Variants in GALNTL6 observed in about 807,000 individuals in gnomAD.
GALNTL6 encodes polypeptide N-acetylgalactosaminyltransferase-like 6.
GALNTL6 carries 46 observed loss-of-function variants against 73.7 expected under a neutral mutation model. The ratio of observed to expected loss-of-function variants is 0.62; its 90% CI spans 0.49 to 0.80. The LOEUF (loss-of-function observed/expected upper bound fraction) is 0.80, where lower values mean the gene tolerates loss of function less well. GALNTL6 is among the 30% of genes least tolerant of loss of function. The pLI is 0.00. For missense variants in GALNTL6, 604 were observed against 755.0 expected, an observed-to-expected ratio of 0.80 and a Z score of 2.34; for synonymous variants, 259 against 263.7, an observed-to-expected ratio of 0.98 and a Z score of 0.17.
chr4:172,856,230 A>G (rs1744115638), intron 7 of GALNTL6, among the ~76,000 whole-genome samples: 1 of 152,256 alleles, frequency 6.6e-6, no homozygotes, highest in African/African-American at 2.4e-5. Flanking sequence ...ATCTTTATGC[A>G]ATGAGTGACT....
chr4:172,314,416 C>T (rs928169014), intron 4 of GALNTL6, among the ~76,000 whole-genome samples: 7 of 151,854 alleles, frequency 4.6e-5, no homozygotes, highest in Admixed American at 6.6e-5. Flanking sequence ...GCATACTAGC[C>T]GGACTTATGC....
intron 7 of GALNTL6, among the ~76,000 whole-genome samples, chr4:172,865,300 G>A (rs1220736743): frequency 6.6e-6 from 1 of 152,154 alleles, no homozygotes; most frequent in Non-Finnish European, 1.5e-5. Context: ...GAGGAACTGG[G>A]GTGATGACAT....
intron 3 of GALNTL6, among the ~76,000 whole-genome samples, chr4:172,272,406 G>A (rs868177763): frequency 2.4e-4 from 36 of 152,162 alleles, no homozygotes; most frequent in African/African-American, 7.2e-4. Flanking sequence ...ATGGTATAGC[G>A]CACTACACAC....
intron 3 of GALNTL6, among the ~76,000 whole-genome samples, chr4:172,294,203 A>G (rs1739579431): frequency 1.3e-5 from 2 of 151,828 alleles, no homozygotes; most frequent in Admixed American, 1.3e-4. Flanking sequence ...AATCTTTTTT[A>G]TTTTGATGCA....
chr4:172,374,317 A>G (rs1742943023), intron 5 of GALNTL6, among the ~76,000 whole-genome samples: 1 of 151,910 alleles, frequency 6.6e-6, no homozygotes, highest in South Asian at 2.1e-4. Flanking sequence ...CTTGGTTCCT[A>G]TTTTAGAACA....
At chr4:172,989,026 T>C (rs1237145218) in intron 10 of GALNTL6, among the ~76,000 whole-genome samples, 1 of 152,194 alleles carries the variant, frequency 6.6e-6, no homozygotes, top group African/African-American at 2.4e-5. Flanking sequence ...AGGGCCCTCA[T>C]ACAGGGTCCT....
chr4:172,675,987 G>T (rs1732283485), intron 5 of GALNTL6, among the ~76,000 whole-genome samples: 1 of 152,116 alleles, frequency 6.6e-6, no homozygotes, highest in Non-Finnish European at 1.5e-5. Flanking sequence ...AAAAGAAAGA[G>T]AAAAAATGTG....
intron 4 of GALNTL6, among the ~76,000 whole-genome samples, chr4:172,333,347 G>A (rs1220312661): frequency 6.6e-6 from 1 of 152,190 alleles, no homozygotes; most frequent in Non-Finnish European, 1.5e-5. Context: ...GGAGGTTGCA[G>A]TGAGCCGAGA....
intron 2 of GALNTL6, among the ~76,000 whole-genome samples, chr4:172,041,391 A>G (rs1296890801): frequency 1.3e-5 from 2 of 152,106 alleles, no homozygotes; most frequent in Admixed American, 1.3e-4. Context: ...GATCTAATGC[A>G]GTCATTGAGA....
At chr4:172,310,096 G>T (rs559916535) in intron 3 of GALNTL6, among the ~76,000 whole-genome samples, 44 of 152,156 alleles carry the variant, frequency 2.9e-4, no homozygotes, top group Non-Finnish European at 5.3e-4. Context: ...GTTGGAAAAA[G>T]AATACAGTAA....
chr4:172,413,120 C>G (rs1744506435), intron 5 of GALNTL6, among the ~76,000 whole-genome samples: 1 of 152,182 alleles, frequency 6.6e-6, no homozygotes, highest in South Asian at 2.1e-4. Context: ...ATAGCCGAGT[C>G]AAACTGGTAA....
At chr4:171,994,142 G>T (rs912616215) in intron 2 of GALNTL6, among the ~76,000 whole-genome samples, 1 of 152,004 alleles carries the variant, frequency 6.6e-6, no homozygotes, top group African/African-American at 2.4e-5. Context: ...TATGGTGATT[G>T]AAACTACCAG....
intron 5 of GALNTL6, among the ~76,000 whole-genome samples, chr4:172,652,311 C>T (rs1301536699): frequency 6.6e-6 from 1 of 152,094 alleles, no homozygotes; most frequent in Non-Finnish European, 1.5e-5. Context: ...ATAGAGAAAC[C>T]TAAGCTGAAT....
At chr4:172,774,041 A>C (rs1396765085) in intron 5 of GALNTL6, among the ~76,000 whole-genome samples, 1 of 152,176 alleles carries the variant, frequency 6.6e-6, no homozygotes, top group African/African-American at 2.4e-5. Context: ...TTGATGATTT[A>C]TTGTGAAAGT....
chr4:171,925,448 C>T (rs1057399410), intron 2 of GALNTL6, among the ~76,000 whole-genome samples: 1 of 151,994 alleles, frequency 6.6e-6, no homozygotes, highest in South Asian at 2.1e-4. Context: ...CTCAGGGAAC[C>T]GTAAGAACAA....
At position 172,601,401 on chromosome 4, in the gene GALNTL6, C is replaced by T. The variant is rs570435518; in HGVS notation, c.554-207960C>T. ...TAATGGGGCAGATCACTCATCCATA[C>T]ATTAATGCCCTCCTGCTGCAGTAAG... On this transcript the variant is annotated intron_variant, in intron 5 of 12. Transcript: ENST00000506823. Among the ~76,000 whole-genome samples, 11 of 152,222 alleles carry T rather than the reference C, an allele frequency of 7.2e-5. No individual in the cohort carries two copies. The South Asian group carries it at 2.3e-3, about 32-fold the overall frequency.
intron 2 of GALNTL6, among the ~76,000 whole-genome samples, chr4:172,078,953 A>G (rs1036924130): frequency 5.9e-5 from 9 of 152,294 alleles, no homozygotes; most frequent in Middle Eastern, 3.4e-3. Flanking sequence ...TAAGGCATAC[A>G]TGATCATATT....
chr4:172,746,065 A>G (rs1737093910), intron 5 of GALNTL6, among the ~76,000 whole-genome samples: 1 of 152,176 alleles, frequency 6.6e-6, no homozygotes, highest in Non-Finnish European at 1.5e-5. Context: ...AATTATAATG[A>G]TAATAATAAC....
At chr4:173,018,881 T>A (rs907201265) in intron 11 of GALNTL6, among the ~76,000 whole-genome samples, 1 of 152,176 alleles carries the variant, frequency 6.6e-6, no homozygotes, top group Non-Finnish European at 1.5e-5. Flanking sequence ...CTAGGGGTTA[T>A]GTGAAAAGGT....
Sources: allele counts gnomAD v4.1 joint callset (sites outside exome capture counted in the v4.1 genomes callset), GRCh38; gene constraint gnomAD v4.1.1; transcripts MANE v1.5; gene names NCBI Gene and HGNC (gene_info 2026-07-23, HGNC 2026-07-21).